The following MMD2 variants were observed in gnomAD, a reference collection of about 807,000 sequenced individuals.
MMD2 encodes monocyte to macrophage differentiation associated 2.
In MMD2, 30 loss-of-function variants were observed where a neutral mutation model predicts 33.5. The ratio of observed to expected loss-of-function variants is 0.90; its 90% CI spans 0.67 to 1.22. The LOEUF (loss-of-function observed/expected upper bound fraction) is 1.22. Ranked by LOEUF, MMD2 falls within the 50% of genes most tolerant of loss-of-function variation. The pLI is 0.00. For synonymous variants in MMD2, 129 were observed against 123.0 expected (o/e 1.05, Z -0.32); for missense variants, 364 against 325.4 (o/e 1.12, Z -0.91).
chr7:4,949,318 C>G (rs1786175789), intron 1 of MMD2, among the ~76,000 whole-genome samples: 1 of 151,976 alleles, frequency 6.6e-6, no homozygotes, highest in Non-Finnish European at 1.5e-5. Flanking sequence ...ATCCCAACCT[C>G]CCCCCAACCT....
intron 1 of MMD2, among the ~76,000 whole-genome samples, chr7:4,945,212 C>CTTCTTCTTCTTCTTCTTCTTCTTCTTCTT (rs1562493871): frequency 1.8e-4 from 25 of 142,386 alleles, no homozygotes; most frequent in African/African-American, 6.6e-4. Flanking sequence ...TCTTCTTCTT[C>CTTCTTCTTCTTCTTCTTCTTCTTCTTCTT]TTCTTCTTCT....
intron 1 of MMD2, among the ~76,000 whole-genome samples, chr7:4,930,113 C>CAAAAAAAAT (rs1554271729): frequency 2.7e-5 from 4 of 149,292 alleles, no homozygotes; most frequent in Admixed American, 6.7e-5. Flanking sequence ...ACTAAAAATA[C>CAAAAAAAAT]AAAAAAAATA....
chr7:4,930,885 C>G (rs1583380909), intron 1 of MMD2, among the ~76,000 whole-genome samples: 1 of 152,122 alleles, frequency 6.6e-6, no homozygotes, highest in African/African-American at 2.4e-5. Context: ...GAGTCTTGCT[C>G]TATCACCCAG....
chr7:4,949,661 G>A (rs575965580), intron 1 of MMD2, among the ~76,000 whole-genome samples: 2 of 151,580 alleles, frequency 1.3e-5, no homozygotes, highest in Admixed American at 1.3e-4. Context: ...ACAGGCACCC[G>A]CCACCACACC....
chr7:4,931,514 G>A (rs1365689284), intron 1 of MMD2, among the ~76,000 whole-genome samples: 3 of 151,670 alleles, frequency 2.0e-5, no homozygotes, highest in African/African-American at 7.3e-5. Context: ...GTGCAGTGGT[G>A]TGATCACAGC....
chr7:4,911,275 C>T (rs1229011435), intron 4 of MMD2, 29 bp from the exon 5 acceptor site: 4 of 1,545,998 alleles, frequency 2.6e-6, no homozygotes, highest in Non-Finnish European at 3.5e-6. Flanking sequence ...AGGCCATGGC[C>T]CTGAGGGGGG....
In MMD2 at chr7:4,940,565, C is replaced by T. The variant is rs547906362; in HGVS notation, c.48-15033G>A. Reference sequence around the variant, plus strand: ...CCGGCCGTGCTAAGCCTCTCTCCCCCTCTCCGCTTGGCCCTGGCCGCTTCT... The same window carrying T: ...CCGGCCGTGCTAAGCCTCTCTCCCCTTCTCCGCTTGGCCCTGGCCGCTTCT... On this transcript the variant is annotated intron_variant, in intron 1 of 6. Coordinates refer to ENST00000401401, the MANE Select transcript of MMD2 (RefSeq NM_198403.4). This position sits in a 1 kb window ranked among gnomAD's most constrained non-coding sequence, Gnocchi z 5.0. Among the ~76,000 whole-genome samples the T allele has an allele frequency of 3.9e-5, 6 of 152,266 alleles. No homozygotes were observed. The highest frequency in any genetic ancestry group is 1.4e-4 in the African/African-American group (6 of 41,474).
At chr7:4,928,980 G>C (rs113375527) in intron 1 of MMD2, among the ~76,000 whole-genome samples, 27 of 152,324 alleles carry the variant, frequency 1.8e-4, no homozygotes, top group Non-Finnish European at 1.8e-4. Flanking sequence ...CTGTATGCTA[G>C]CATAGTTCAG....
intron 1 of MMD2, among the ~76,000 whole-genome samples, chr7:4,956,549 T>G (rs1562499181): frequency 1.3e-5 from 2 of 152,032 alleles, no homozygotes; most frequent in Non-Finnish European, 2.9e-5. Flanking sequence ...GCGATCCATT[T>G]CCTCCCTGGA....
At chr7:4,898,537 T>C in the MMD2 span, among the ~76,000 whole-genome samples, 1 of 152,066 alleles carries the variant, frequency 6.6e-6, no homozygotes, top group African/African-American at 2.4e-5. Flanking sequence ...GATTGGATGG[T>C]GCTGGGATTT....
At chr7:4,947,944 C>T (rs1377000299) in intron 1 of MMD2, among the ~76,000 whole-genome samples, 10 of 151,700 alleles carry the variant, frequency 6.6e-5, no homozygotes, top group Non-Finnish European at 1.0e-4. Context: ...GTGATCCACC[C>T]ACCTCAGCCT....
At position 4,938,002 on chromosome 7, in the gene MMD2, C is replaced by CTTTTTTTTTTTTTTTTTTTTTTTTTTTT. The variant is rs1165504272; in HGVS notation, c.48-12471_48-12470insAAAAAAAAAAAAAAAAAAAAAAAAAAAA. On this transcript the variant is annotated intron_variant, in intron 1 of 6. Transcript: ENST00000401401. ...TTTTTTTTTCTTTTTTTCTTTCTTT[C>CTTTTTTTTTTTTTTTTTTTTTTTTTTTT]TTTTTTTTTTTTTTTTTTTTTTTTT... 1.6e-3 allele frequency among the ~76,000 whole-genome samples: 72 copies of CTTTTTTTTTTTTTTTTTTTTTTTTTTTT among 45,648 alleles called. 2 individuals are homozygous for CTTTTTTTTTTTTTTTTTTTTTTTTTTTT. Among genetic ancestry groups the CTTTTTTTTTTTTTTTTTTTTTTTTTTTT allele is most frequent in the East Asian group, 2.6e-3 (3 of 1,136 alleles). 29.9% of individuals were successfully genotyped at this position (45,648 alleles called of 152,430 possible).
intron 1 of MMD2, among the ~76,000 whole-genome samples, chr7:4,948,527 G>GAA (rs767961259): frequency 7.2e-6 from 1 of 139,072 alleles, no homozygotes. Context: ...CCGTCTCACC[G>GAA]AAAAAAAAAA....
rs1191219330 is a variant in MMD2 at position 4,906,420 on chromosome 7, C to A, written c.*976G>T. 1.0e-5 allele frequency: 4 copies of A among 398,420 alleles called. No individual in the cohort carries two copies. The highest frequency in any genetic ancestry group is 2.1e-5 in the African/African-American group (1 of 48,614). 24.7% of individuals were successfully genotyped at this position (398,420 alleles called of 1,614,324 possible). On this transcript the variant is annotated 3_prime_UTR_variant, in exon 7 of 7. Coordinates refer to ENST00000401401, the MANE Select transcript of MMD2 (RefSeq NM_198403.4). ...AGCCTCTAACAGCCACTGATTGGCA[C>A]CAAGAGAGAATCCAAATGTTGGCAT...
At chr7:4,943,805 T>A (rs1239344674) in intron 1 of MMD2, among the ~76,000 whole-genome samples, 1 of 151,944 alleles carries the variant, frequency 6.6e-6, no homozygotes, top group Non-Finnish European at 1.5e-5. Flanking sequence ...ATTATTTTAT[T>A]TTACTTTATT....
downstream of MMD2, among the ~76,000 whole-genome samples, chr7:4,904,957 C>T (rs1784842366): frequency 6.6e-6 from 1 of 152,192 alleles, no homozygotes; most frequent in South Asian, 2.1e-4. Flanking sequence ...GCCAGAAGTT[C>T]CCCAGTGCTG....
chr7:4,945,243 T>TTCTTCTTCTTCTTC (rs759788839), intron 1 of MMD2, among the ~76,000 whole-genome samples: 40 of 144,810 alleles, frequency 2.8e-4, no homozygotes, highest in African/African-American at 8.2e-4. Flanking sequence ...CTTCTTCCTC[T>TTCTTCTTCTTCTTC]CTCTCTTTCT....
intron 4 of MMD2, among the ~76,000 whole-genome samples, chr7:4,911,950 A>G (rs1785025479): frequency 6.6e-6 from 1 of 151,774 alleles, no homozygotes; most frequent in Non-Finnish European, 1.5e-5. Context: ...CCCGGCCTCC[A>G]ATCCTTTGTT....
intron 6 of MMD2, among the ~76,000 whole-genome samples, chr7:4,908,633 C>T (rs953547538): frequency 5.3e-5 from 8 of 151,908 alleles, no homozygotes; most frequent in African/African-American, 9.7e-5. Context: ...GGCACGGTGG[C>T]TCACGCCTAT....
Sources: allele counts gnomAD v4.1 joint callset (sites outside exome capture counted in the v4.1 genomes callset), GRCh38; gene constraint gnomAD v4.1.1; non-coding constraint Gnocchi (gnomAD v3.1); transcripts MANE v1.5; gene names NCBI Gene and HGNC (gene_info 2026-07-23, HGNC 2026-07-21).